The following ANKRD17 variants were observed in gnomAD, a reference collection of about 807,000 sequenced individuals.
ANKRD17 encodes the protein ankyrin repeat domain-containing protein 17.
In ANKRD17, 19 loss-of-function variants were observed where a neutral mutation model predicts 229.7. The observed-to-expected ratio is 0.08, with a 90% CI of 0.06 to 0.12. ANKRD17 has a LOEUF of 0.12. Ranked by LOEUF, ANKRD17 falls within the 10% of genes least tolerant of loss-of-function variation. The pLI, the probability that ANKRD17 is intolerant of heterozygous loss-of-function variation, is 1.00. For synonymous variants in ANKRD17, 1,112 were observed against 1,146.1 expected (o/e 0.97, Z 0.60); for missense variants, 2,176 against 3,176.8 (o/e 0.68, Z 7.57).
chr4:73,209,644 G>T (rs1739993530), intron 1 of ANKRD17, among the ~76,000 whole-genome samples: 1 of 151,262 alleles, frequency 6.6e-6, no homozygotes. Context: ...ACGCAAAAAA[G>T]ATCAAATATA....
chr4:73,246,268 T>A (rs572828474), intron 1 of ANKRD17, among the ~76,000 whole-genome samples: 1 of 152,338 alleles, frequency 6.6e-6, no homozygotes, highest in South Asian at 2.1e-4. Flanking sequence ...GTACTTCCTA[T>A]TCTTCCCTTC....
chr4:73,203,619 T>G (rs1351894424), intron 1 of ANKRD17, among the ~76,000 whole-genome samples: 1 of 151,112 alleles, frequency 6.6e-6, no homozygotes, highest in East Asian at 2.0e-4. Context: ...TTAGCCGGGC[T>G]TGGTGGCTGA....
chr4:73,247,923 T>C (rs1345152467), intron 1 of ANKRD17, among the ~76,000 whole-genome samples: 1 of 94,498 alleles, frequency 1.1e-5, no homozygotes, highest in Non-Finnish European at 2.0e-5. Flanking sequence ...TTTTCTATTC[T>C]TTAGATCTTT....
At chr4:73,210,317 A>T (rs1740080956) in intron 1 of ANKRD17, among the ~76,000 whole-genome samples, 1 of 152,204 alleles carries the variant, frequency 6.6e-6, no homozygotes, top group African/African-American at 2.4e-5. Context: ...CAAAATAAAA[A>T]GAATTAGCAG....
At chr4:73,093,538 C>T (rs112317867) in intron 28 of ANKRD17, among the ~76,000 whole-genome samples, 118 of 152,084 alleles carry the variant, frequency 7.8e-4, no homozygotes, top group African/African-American at 2.5e-3. Flanking sequence ...CCACTATGCC[C>T]GGCTAATTTT....
chr4:73,167,492 T>C (rs1733391634), intron 2 of ANKRD17, among the ~76,000 whole-genome samples: 3 of 152,212 alleles, frequency 2.0e-5, no homozygotes, highest in Non-Finnish European at 4.4e-5. Flanking sequence ...TCTTTGAATC[T>C]TCTTGTGCCT....
chr4:73,105,442 C>G (rs1724499067), intron 24 of ANKRD17, among the ~76,000 whole-genome samples: 1 of 151,474 alleles, frequency 6.6e-6, no homozygotes, highest in Non-Finnish European at 1.5e-5. Flanking sequence ...AAAGGAAGAA[C>G]AAATGAGGCT....
chr4:73,109,952 G>A (rs1457555963), intron 24 of ANKRD17, among the ~76,000 whole-genome samples: 1 of 131,014 alleles, frequency 7.6e-6, no homozygotes, highest in Admixed American at 8.9e-5. Flanking sequence ...GTGTGAAACC[G>A]AGAATGGGAT....
chr4:73,250,589 C>CAAAAAAAAAAA (rs35160047), intron 1 of ANKRD17, among the ~76,000 whole-genome samples: 309 of 29,396 alleles, frequency 0.011, 73 homozygotes, highest in African/African-American at 0.038. Context: ...GACCTTGTCT[C>CAAAAAAAAAAA]AAAAAAAAAA....
intron 1 of ANKRD17, among the ~76,000 whole-genome samples, chr4:73,194,144 TTA>T (rs1236938303): frequency 2.0e-5 from 3 of 152,226 alleles, no homozygotes; most frequent in African/African-American, 4.8e-5. Flanking sequence ...GGGGGTTATT[TTA>T]TGTTTGTGGT....
chr4:73,252,194 A>G (rs1367508817), intron 1 of ANKRD17, among the ~76,000 whole-genome samples: 1 of 152,238 alleles, frequency 6.6e-6, no homozygotes, highest in Non-Finnish European at 1.5e-5. Context: ...GTATAGCAGG[A>G]GATATACAGA....
chr4:73,134,395 T>C (rs1728624246), intron 16 of ANKRD17, among the ~76,000 whole-genome samples: 1 of 152,234 alleles, frequency 6.6e-6, no homozygotes, highest in Non-Finnish European at 1.5e-5. Flanking sequence ...TTAGTCCTGA[T>C]GGCCATGTAC....
intron 25 of ANKRD17, among the ~76,000 whole-genome samples, chr4:73,101,881 A>G (rs536759198): frequency 6.6e-6 from 1 of 152,216 alleles, no homozygotes; most frequent in Admixed American, 6.5e-5. Flanking sequence ...GAAACTTTTC[A>G]TAATAAAGTT....
intron 3 of ANKRD17, among the ~76,000 whole-genome samples, chr4:73,158,186 A>AAGAAAGAAAGAAAGAAAGAG (rs963284200): frequency 1.1e-3 from 128 of 112,036 alleles, no homozygotes; most frequent in Middle Eastern, 4.9e-3. Flanking sequence ...GAAAGAAAGA[A>AAGAAAGAAAGAAAGAAAGAG]AGAGAGAGAA....
At position 73,149,168 on chromosome 4, in the gene ANKRD17, G is replaced by C. The variant is rs566357337; in HGVS notation, c.1330-118C>G. On this transcript the variant is annotated intron_variant, in intron 7 of 33. Transcript: ENST00000358602. ...ATCTATCTCCACTCAAAAAGGAATAGAGCTACATTTAACAGTTGAGTAAAT... is the reference window on the plus strand; with the variant it reads ...ATCTATCTCCACTCAAAAAGGAATACAGCTACATTTAACAGTTGAGTAAAT... 7.3e-5 allele frequency: 57 copies of C among 778,248 alleles called. No homozygotes were observed. The South Asian group carries it at 1.0e-3, about 14-fold the overall frequency. 48.2% of individuals were successfully genotyped at this position (778,248 alleles called of 1,614,324 possible).
At chr4:73,219,249 T>C (rs1035431044) in intron 1 of ANKRD17, among the ~76,000 whole-genome samples, 2 of 152,180 alleles carry the variant, frequency 1.3e-5, no homozygotes, top group African/African-American at 4.8e-5. Flanking sequence ...GTCACCATGG[T>C]TACTTTAGAA....
intron 1 of ANKRD17, among the ~76,000 whole-genome samples, chr4:73,190,509 C>A (rs1443881869): frequency 1.4e-5 from 2 of 140,340 alleles, no homozygotes; most frequent in Non-Finnish European, 1.5e-5. Context: ...GAAACCTAAC[C>A]AATGTAGTAA....
chr4:73,182,529 G>A (rs758708442), intron 1 of ANKRD17, among the ~76,000 whole-genome samples: 3 of 152,132 alleles, frequency 2.0e-5, no homozygotes, highest in African/African-American at 7.2e-5. Context: ...ACTGCTCTGG[G>A]AAAGGTGACT....
chr4:73,120,552 A>AAAAAG (rs1553917397), intron 20 of ANKRD17, among the ~76,000 whole-genome samples: 1 of 151,414 alleles, frequency 6.6e-6, no homozygotes, highest in Non-Finnish European at 1.5e-5. Context: ...AAAAAAAAAA[A>AAAAAG]AAAGAAAGAA....
Sources: allele counts gnomAD v4.1 joint callset (sites outside exome capture counted in the v4.1 genomes callset), GRCh38; gene constraint gnomAD v4.1.1; transcripts MANE v1.5; gene names NCBI Gene and HGNC (gene_info 2026-07-23, HGNC 2026-07-21).